ABCC4: variants seen among roughly 807,000 people sequenced by gnomAD.
ABCC4 encodes ATP binding cassette subfamily C member 4 (PEL blood group), also known as ATP-binding cassette sub-family C member 4.
ABCC4 carries 102 observed loss-of-function variants against 168.5 expected under a neutral mutation model. The ratio of observed to expected loss-of-function variants is 0.61; its 90% CI spans 0.52 to 0.71. The LOEUF (loss-of-function observed/expected upper bound fraction) is 0.71, where lower values mean the gene tolerates loss of function less well. Among genes scored for constraint, ABCC4 ranks in the 30% least tolerant of loss-of-function variants. ABCC4 has a pLI of 0.00. For missense variants in ABCC4, 1,402 were observed against 1,605.8 expected, an observed-to-expected ratio of 0.87 and a Z score of 2.17; for synonymous variants, 617 against 590.7, an observed-to-expected ratio of 1.04 and a Z score of -0.65.
chr13:95,128,261 T>C (rs1033919879), intron 19 of ABCC4, among the ~76,000 whole-genome samples: 24 of 152,328 alleles, frequency 1.6e-4, no homozygotes, highest in Admixed American at 7.2e-4. Flanking sequence ...TCTATACACA[T>C]TGGAGTCTAT....
chr13:95,175,827 GA>G (rs201415330), intron 13 of ABCC4, among the ~76,000 whole-genome samples: 766 of 152,300 alleles, frequency 5.0e-3, no homozygotes, highest in Non-Finnish European at 8.1e-3. Context: ...GAACTCTGCA[GA>G]AACAACCTGC....
At chr13:95,146,366 C>T (rs1462356190) in intron 19 of ABCC4, among the ~76,000 whole-genome samples, 3 of 152,170 alleles carry the variant, frequency 2.0e-5, no homozygotes, top group Non-Finnish European at 4.4e-5. Flanking sequence ...ATGTAATCTA[C>T]TCATGTAACA....
At chr13:95,145,510 G>C (rs1186360360) in intron 19 of ABCC4, among the ~76,000 whole-genome samples, 1 of 149,340 alleles carries the variant, frequency 6.7e-6, no homozygotes, top group Non-Finnish European at 1.5e-5. Flanking sequence ...TGTAGTCCCA[G>C]ATACTTGGAA....
intron 4 of ABCC4, 24 bp from the exon 5 acceptor site, chr13:95,210,805 G>A (rs374031315): frequency 5.1e-6 from 8 of 1,574,406 alleles, no homozygotes; most frequent in Non-Finnish European, 7.0e-6. Flanking sequence ...GGTAAGTAGA[G>A]AATTGTATTC....
chr13:95,070,366 C>A (rs534333491), intron 25 of ABCC4, among the ~76,000 whole-genome samples: 34 of 152,108 alleles, frequency 2.2e-4, no homozygotes, highest in Non-Finnish European at 3.8e-4. Context: ...AAGGAGGGCA[C>A]CCTGAGTGCA....
intron 19 of ABCC4, among the ~76,000 whole-genome samples, chr13:95,137,395 C>CA (rs1403804999): frequency 6.6e-6 from 1 of 152,118 alleles, no homozygotes; most frequent in Admixed American, 6.6e-5. Flanking sequence ...TTTGTCACTA[C>CA]AAAAAAGTCT....
intron 1 of ABCC4, among the ~76,000 whole-genome samples, chr13:95,252,694 A>G (rs1201348678): frequency 1.3e-5 from 2 of 152,090 alleles, no homozygotes; most frequent in African/African-American, 4.8e-5. Context: ...AAACAAACCA[A>G]CAAAGATATG....
At chr13:95,126,769 ATATT>A (rs2035789135) in intron 19 of ABCC4, among the ~76,000 whole-genome samples, 2 of 145,498 alleles carry the variant, frequency 1.4e-5, no homozygotes, top group Admixed American at 1.4e-4. Flanking sequence ...AAATATATAT[ATATT>A]TAAGTACACC....
Position 95,238,175 on chromosome 13 carries a change from C to T in ABCC4, c.307-3341G>A, listed in dbSNP as rs991215358. Among the ~76,000 whole-genome samples, 11 of 119,770 alleles carry T rather than the reference C, an allele frequency of 9.2e-5. No homozygotes were observed. In the East Asian group the frequency reaches 1.7e-3, roughly 19 times the overall value. 78.6% of individuals were successfully genotyped at this position (119,770 alleles called of 152,430 possible). A position where few individuals can be genotyped will look rare whatever the true frequency, so the allele number is the denominator to read the frequency against. Reference sequence around the variant, plus strand: ...CGCCACTGCACTCCAGCCTGGAGAACAGCACAAGACTCCATCTCAGAAAAA... The same window carrying T: ...CGCCACTGCACTCCAGCCTGGAGAATAGCACAAGACTCCATCTCAGAAAAA... On this transcript the variant is annotated intron_variant, in intron 3 of 30. Coordinates refer to ENST00000645237, the MANE Select transcript of ABCC4 (RefSeq NM_005845.5).
chr13:95,293,651 G>C (rs2041457446), intron 1 of ABCC4, among the ~76,000 whole-genome samples: 1 of 151,886 alleles, frequency 6.6e-6, no homozygotes, highest in African/African-American at 2.4e-5. Context: ...ATTTTTAGTA[G>C]AGACGGGGTT....
intron 21 of ABCC4, among the ~76,000 whole-genome samples, chr13:95,076,507 GTTT>G (rs33911549): frequency 4.3e-5 from 6 of 138,288 alleles, no homozygotes; most frequent in Admixed American, 7.2e-5. Flanking sequence ...TGTGGTGTAG[GTTT>G]TTTTTTTTTT....
At chr13:95,189,173 G>A (rs1351095202) in intron 9 of ABCC4, among the ~76,000 whole-genome samples, 3 of 117,272 alleles carry the variant, frequency 2.6e-5, no homozygotes, top group African/African-American at 1.0e-4. Flanking sequence ...TCGTTCTGTC[G>A]CCCAGGCGGG....
intron 1 of ABCC4, among the ~76,000 whole-genome samples, chr13:95,263,633 G>A (rs1298678016): frequency 1.3e-5 from 2 of 152,072 alleles, no homozygotes; most frequent in Non-Finnish European, 2.9e-5. Context: ...GACCAGCCTG[G>A]CCAACATGGT....
chr13:95,212,707 G>A (rs1051492862), intron 4 of ABCC4, among the ~76,000 whole-genome samples: 23 of 151,958 alleles, frequency 1.5e-4, no homozygotes, highest in African/African-American at 5.6e-4. Context: ...TACTCGGGTT[G>A]TAATAGAAGT....
rs747145226 is a variant in ABCC4 at position 95,075,448 on chromosome 13, G to T, written c.2790C>A (p.His930Gln). ...TAGACAGACCTGAATGTAAATCCTG[G>T]TGTGCATCAAACAGTTCCTGACACC... is the stretch of plus-strand genomic sequence containing the variant. ...EERCQELFDA[H>Q]QDLHSEAWFL... The change falls in exon 22 of 31, where the codon CAC becomes CAA. Residue 930 changes from histidine (H) to glutamine (Q), a missense_variant. This residue lies in a region of ABCC4 where 1,007 missense variants were observed against 1,127.3 expected (regional missense o/e 0.89). Coordinates refer to ENST00000645237, the MANE Select transcript of ABCC4 (RefSeq NM_005845.5). 6.2e-7 allele frequency: 1 copy of T among 1,614,130 alleles called. No homozygotes were observed. The highest frequency in any genetic ancestry group is 1.1e-5 in the South Asian group (1 of 91,076).
intron 4 of ABCC4, among the ~76,000 whole-genome samples, chr13:95,218,983 A>AAGAG (rs1448161071): frequency 9.1e-5 from 1 of 11,018 alleles, no homozygotes; most frequent in African/African-American, 2.9e-4. Flanking sequence ...GAAAGAAAGA[A>AAGAG]AGAGTGAGAA....
In ABCC4 at chr13:95,218,957, GA is replaced by G. The variant is rs1367298467; in HGVS notation, c.532-8177del. 2.8e-4 allele frequency among the ~76,000 whole-genome samples: 10 copies of G among 35,206 alleles called. No homozygotes were observed. The East Asian group carries it at 4.3e-3, about 15-fold the overall frequency. 23.1% of individuals were successfully genotyped at this position (35,206 alleles called of 152,430 possible). On this transcript the variant is annotated intron_variant, in intron 4 of 30. Coordinates refer to ENST00000645237, the MANE Select transcript of ABCC4 (RefSeq NM_005845.5). Reference sequence around the variant, plus strand: ...AGAAAGAAAGAAAGAAAGAAAGAAAGAAAGAAAGAAAGAAAGAAAGAAAGAA... The same window carrying G: ...AGAAAGAAAGAAAGAAAGAAAGAAAGAAGAAAGAAAGAAAGAAAGAAAGAA...
At chr13:95,127,188 C>T (rs998534517) in intron 19 of ABCC4, among the ~76,000 whole-genome samples, 1 of 152,108 alleles carries the variant, frequency 6.6e-6, no homozygotes, top group Non-Finnish European at 1.5e-5. Flanking sequence ...CAGCTTTTCC[C>T]TCATCCTCAT....
chr13:95,234,873 A>G (rs1209496239), intron 3 of ABCC4, 39 bp from the exon 4 acceptor site: 1 of 1,338,854 alleles, frequency 7.5e-7, no homozygotes, highest in East Asian at 2.5e-5. Flanking sequence ...TTAGACATAC[A>G]GACCACACCA....
Sources: gnomAD v4.1 joint callset for allele counts (sites outside exome capture counted in the v4.1 genomes callset) on GRCh38, gnomAD v4.1.1 for gene constraint, gnomAD v4.1.1 regional missense constraint, MANE v1.5 for transcripts, NCBI Gene and HGNC (gene_info 2026-07-23, HGNC 2026-07-21) for gene names.